The following GINS3 variants were observed in gnomAD, a reference collection of about 807,000 sequenced individuals.
The protein encoded by GINS3 is DNA replication complex GINS protein PSF3.
Under a neutral mutation model 20.0 loss-of-function variants are expected in GINS3, and 18 were observed. The observed-to-expected ratio is 0.90, with a 90% CI of 0.62 to 1.33. GINS3 has a LOEUF of 1.33. Among genes scored for constraint, GINS3 ranks in the 40% most tolerant of loss-of-function variants. GINS3 has a pLI of 0.00. For missense variants in GINS3, 254 were observed against 273.6 expected (o/e 0.93, Z 0.51); for synonymous variants, 109 against 107.0 (o/e 1.02, Z -0.12).
intron 1 of GINS3, among the ~76,000 whole-genome samples, chr16:58,397,667 C>T (rs1468133851): frequency 1.3e-5 from 2 of 152,134 alleles, no homozygotes; most frequent in African/African-American, 4.8e-5. Context: ...ACCAGTCAGG[C>T]GTGGCGGCGC....
intron 2 of GINS3, 163 bp downstream of exon 2, chr16:58,403,494 T>TACACACACACACAC (rs3833044): frequency 5.4e-6 from 3 of 557,686 alleles, no homozygotes; most frequent in Non-Finnish European, 9.6e-6. Context: ...TTTACATATA[T>TACACACACACACAC]ACACACACAC....
chr16:58,397,673 G>A (rs1368821294), intron 1 of GINS3, among the ~76,000 whole-genome samples: 1 of 152,136 alleles, frequency 6.6e-6, no homozygotes, highest in African/African-American at 2.4e-5. Flanking sequence ...CAGGCGTGGC[G>A]GCGCGCGCCT....
intron 1 of GINS3, among the ~76,000 whole-genome samples, chr16:58,393,234 A>G (rs150900055): frequency 3.5e-4 from 54 of 152,268 alleles, no homozygotes; most frequent in African/African-American, 1.2e-3. Flanking sequence ...TTCCTCCATA[A>G]TGATGACAGG....
chr16:58,406,004 T>G lies in GINS3; in HGVS notation c.*1275T>G, dbSNP rs1489702442. ...GAATTGTTGTTTTTATAATTTGATT[T>G]TAGTGCTAAATAAATGATTGGCTTT... is the stretch of plus-strand genomic sequence containing the variant. On this transcript the variant is annotated 3_prime_UTR_variant, in exon 3 of 3. Coordinates refer to ENST00000318129, the MANE Select transcript of GINS3 (RefSeq NM_022770.4). 1.3e-5 allele frequency: 2 copies of G among 152,252 alleles called. No homozygotes were observed. The highest frequency in any genetic ancestry group is 2.9e-5 in the Non-Finnish European group (2 of 68,050). The allele number at this position is 152,252 out of a possible 1,614,324, so 9.4% of individuals were successfully genotyped here. A position where few individuals can be genotyped will look rare whatever the true frequency, so the allele number is the denominator to read the frequency against.
chr16:58,403,237 T>C lies in GINS3; in HGVS notation c.326T>C (p.Leu109Pro). ...AGTGCAGATCCCAATGTGGTGGACC[T>C]CCACAAAATGGGGCCCCATTTCTAC... ...VFSADPNVVDLHKMGPHFYGF... is the reference protein window; with the variant it reads ...VFSADPNVVDPHKMGPHFYGF... The change falls in exon 2 of 3, where the codon CTC becomes CCC. Residue 109 changes from leucine (L) to proline (P), a missense_variant. Transcript: ENST00000318129. The C allele has an allele frequency of 6.2e-7, 1 of 1,614,128 alleles. No individual in the cohort carries two copies. The highest frequency in any genetic ancestry group is 8.5e-7 in the Non-Finnish European group (1 of 1,180,002).
chr16:58,394,776 T>C (rs1465743008), intron 1 of GINS3, among the ~76,000 whole-genome samples: 2 of 152,234 alleles, frequency 1.3e-5, no homozygotes, highest in Non-Finnish European at 2.9e-5. Context: ...AACAGGACTT[T>C]GTACTGTTCA....
At chr16:58,396,136 G>A (rs1260912172) in intron 1 of GINS3, among the ~76,000 whole-genome samples, 1 of 137,010 alleles carries the variant, frequency 7.3e-6, no homozygotes, top group African/African-American at 2.8e-5. Flanking sequence ...TGGGTGGGGG[G>A]CTGACCCCCC....
At position 58,392,593 on chromosome 16, in the gene GINS3, G is replaced by A. The variant is rs768529144; in HGVS notation, c.-9G>A. ...CGCGAGTGGAAGCGGAGAAGCTCAA[G>A]TGGCCGCCATGTCAGAGGCTTATTT... On this transcript the variant is annotated 5_prime_UTR_variant, in exon 1 of 3. It adds an upstream start codon to the 5' untranslated region. Coordinates refer to ENST00000318129, the MANE Select transcript of GINS3 (RefSeq NM_022770.4). The A allele has an allele frequency of 1.2e-5, 20 of 1,613,416 alleles. No individual in the cohort carries two copies. In the African/African-American group the frequency reaches 2.4e-4, roughly 19 times the overall value.
chr16:58,395,439 A>C (rs1320461184), intron 1 of GINS3, among the ~76,000 whole-genome samples: 1 of 151,736 alleles, frequency 6.6e-6, no homozygotes, highest in African/African-American at 2.4e-5. Flanking sequence ...AAACAAGTGA[A>C]CAAAGGTCTC....
At chr16:58,393,942 T>C (rs1026361739) in intron 1 of GINS3, among the ~76,000 whole-genome samples, 5 of 152,090 alleles carry the variant, frequency 3.3e-5, no homozygotes, top group African/African-American at 1.2e-4. Context: ...CTCATGTACC[T>C]TTTTTAGTGG....
At chr16:58,397,330 C>T (rs376439656) in intron 1 of GINS3, among the ~76,000 whole-genome samples, 7,204 of 144,992 alleles carry the variant, frequency 0.05, 215 homozygotes, top group African/African-American at 0.1. Context: ...GATGGGATGG[C>T]GGCCGGGCAG....
intron 1 of GINS3, among the ~76,000 whole-genome samples, chr16:58,402,284 A>G (rs1965966904): frequency 6.6e-6 from 1 of 152,154 alleles, no homozygotes. Context: ...TTTCTCTGCT[A>G]TTCGGTGTCA....
Position 58,392,721 on chromosome 16 carries a change from G to A in GINS3, c.120G>A (p.Met40Ile), listed in dbSNP as rs771004609. The A allele has an allele frequency of 2.5e-6, 4 of 1,614,058 alleles. No homozygotes were observed. In the Admixed American group the frequency reaches 6.7e-5, roughly 27 times the overall value. Residue 40 changes from methionine (M) to isoleucine (I), a missense_variant, in exon 1 of 3, where the codon ATG (methionine) becomes ATA (isoleucine). By Grantham distance (10) the Met-to-Ile change is conservative. Transcript: ENST00000318129. ...EKLPVRTETA[M>I]PRLGAFFLER... ...TGCCGGTGCGCACGGAGACCGCCAT[G>A]CCTCGCCTTGGCGCTTTCTTCCTGG...
chr16:58,394,191 T>C (rs1965819655), intron 1 of GINS3, among the ~76,000 whole-genome samples: 1 of 152,194 alleles, frequency 6.6e-6, no homozygotes, highest in Non-Finnish European at 1.5e-5. Context: ...CTGCATTTAG[T>C]AGACATGTTT....
chr16:58,396,394 A>AT (rs1965859047), intron 1 of GINS3, among the ~76,000 whole-genome samples: 1 of 97,924 alleles, frequency 1.0e-5, no homozygotes. Flanking sequence ...CAGGGGGCTG[A>AT]CCCCCCCACC....
rs1966007753 is a variant in GINS3, at chr16:58,404,804, G to A, written c.*75G>A. ...TCCTTGATAGGAGCTGGTTGACCTT[G>A]TACAGAACCAGAATCCTGTCCCATT... On this transcript the variant is annotated 3_prime_UTR_variant, in exon 3 of 3. Transcript: ENST00000318129. The A allele has an allele frequency of 2.9e-6, 3 of 1,027,706 alleles. No homozygotes were observed. The highest frequency in any genetic ancestry group is 4.1e-5 in the Admixed American group (2 of 48,554). 63.7% of individuals were successfully genotyped at this position (1,027,706 alleles called of 1,614,324 possible).
intron 1 of GINS3, among the ~76,000 whole-genome samples, chr16:58,397,642 C>CA (rs1200359012): frequency 1.3e-5 from 2 of 152,020 alleles, no homozygotes; most frequent in Non-Finnish European, 2.9e-5. Flanking sequence ...CCGTCTCCAC[C>CA]AAAAAAATAC....
In GINS3 at chr16:58,403,125, C is replaced by A; in HGVS notation, c.214C>A (p.Leu72Met). The A allele has an allele frequency of 3.7e-6, 6 of 1,614,200 alleles. No homozygotes were observed. The highest frequency in any genetic ancestry group is 5.1e-6 in the Non-Finnish European group (6 of 1,180,016). The change falls in exon 2 of 3, where the codon CTG (leucine) becomes ATG (methionine). Residue 72 changes from leucine to methionine, a missense_variant. By Grantham distance (15) the Leu-to-Met change is conservative. Transcript: ENST00000318129. ...QGSKLELPLW[L>M]AKGLFDNKRR... ...TTCCAAGCTTGAACTACCCTTGTGGCTGGCAAAAGGACTTTTTGACAACAA... is the reference window on the plus strand; with the variant it reads ...TTCCAAGCTTGAACTACCCTTGTGGATGGCAAAAGGACTTTTTGACAACAA...
chr16:58,404,611 CAG>C lies in GINS3; in HGVS notation c.534_535del (p.Gly179AlafsTer6), dbSNP rs1402315714. 6.2e-7 allele frequency: 1 copy of C among 1,613,986 alleles called. No individual in the cohort carries two copies. Among genetic ancestry groups the C allele is most frequent in the African/African-American group, 1.3e-5 (1 of 74,886 alleles). The stretch of plus-strand genomic sequence containing the variant: ...GAGATGGAGAGGGGCTTATTTCAAA[CAG>C]GGCAGAAAGGACTGAATGACTTTCA... On this transcript the variant is annotated frameshift_variant, in exon 3 of 3. Transcript: ENST00000318129. LOFTEE classifies it high-confidence loss of function.
Sources: gnomAD v4.1 joint callset for allele counts (sites outside exome capture counted in the v4.1 genomes callset) on GRCh38, gnomAD v4.1.1 for gene constraint, MANE v1.5 for transcripts, NCBI Gene and HGNC (gene_info 2026-07-23, HGNC 2026-07-21) for gene names.